Variants in FBXL5 observed in about 807,000 individuals in gnomAD.
The protein encoded by FBXL5 is F-box and leucine rich repeat protein 5.
FBXL5 carries 26 observed loss-of-function variants against 78.3 expected under a neutral mutation model. The observed-to-expected ratio is 0.33, with a 90% confidence interval of 0.24 to 0.46. The LOEUF (loss-of-function observed/expected upper bound fraction) is 0.46, where lower values mean the gene tolerates loss of function less well. Ranked by LOEUF, FBXL5 falls within the 20% of genes least tolerant of loss-of-function variation. FBXL5 has a pLI of 1.00. For synonymous variants in FBXL5, 295 were observed against 282.5 expected (o/e 1.04, Z -0.45); for missense variants, 710 against 829.2 (o/e 0.86, Z 1.77).
intron 10 of FBXL5, among the ~76,000 whole-genome samples, chr4:15,609,823 T>G (rs1722122963): frequency 6.6e-6 from 1 of 152,036 alleles, no homozygotes; most frequent in African/African-American, 2.4e-5. Flanking sequence ...TACTGGGCAC[T>G]GTTTGAATAT....
intron 1 of FBXL5, among the ~76,000 whole-genome samples, chr4:15,672,800 A>C (rs1378639791): frequency 6.6e-6 from 1 of 152,174 alleles, no homozygotes; most frequent in Non-Finnish European, 1.5e-5. Context: ...AAACTTAAAA[A>C]TTTTTTTAAA....
At chr4:15,635,710 G>A (rs1045356203) in intron 5 of FBXL5, among the ~76,000 whole-genome samples, 14 of 143,562 alleles carry the variant, frequency 9.8e-5, no homozygotes, top group African/African-American at 3.1e-4. Flanking sequence ...CCAAGATCGC[G>A]CCATTGCACT....
At chr4:15,627,072 C>T in intron 7 of FBXL5, 117 bp from the exon 8 acceptor site, 1 of 484,584 alleles carries the variant, frequency 2.1e-6, no homozygotes, top group Non-Finnish European at 3.7e-6. Flanking sequence ...AAAAAAAAAT[C>T]ACTTGAATAC....
intron 3 of FBXL5, among the ~76,000 whole-genome samples, chr4:15,639,477 C>A (rs1372837098): frequency 6.6e-6 from 1 of 152,208 alleles, no homozygotes; most frequent in Non-Finnish European, 1.5e-5. Flanking sequence ...TCCCTCAAAT[C>A]ATTATTTTAG....
chr4:15,641,755 G>A (rs1030445357), intron 2 of FBXL5: 18 of 361,018 alleles, frequency 5.0e-5, no homozygotes, highest in East Asian at 8.0e-5. Context: ...TGCCAGGCAC[G>A]GTGGCTCATG....
intron 7 of FBXL5, 103 bp from the exon 8 acceptor site, chr4:15,627,058 A>AC: frequency 5.3e-6 from 3 of 565,642 alleles, no homozygotes; most frequent in Non-Finnish European, 9.1e-6. Context: ...ACTTTTGTGA[A>AC]TATAAAAAAA....
chr4:15,619,667 A>G (rs536444603), intron 9 of FBXL5, among the ~76,000 whole-genome samples: 76 of 152,258 alleles, frequency 5.0e-4, no homozygotes, highest in African/African-American at 1.6e-3. Flanking sequence ...GCAATTAGAC[A>G]AGAAAAAGAA....
chr4:15,656,290 A>T (rs1560244880), upstream of FBXL5: 1 of 456,034 alleles, frequency 2.2e-6, no homozygotes, highest in Admixed American at 2.3e-5. Context: ...CCTCCTGGAG[A>T]CTCTGTTCTC....
intron 1 of FBXL5, among the ~76,000 whole-genome samples, chr4:15,651,823 T>C (rs1716097214): frequency 6.6e-6 from 1 of 152,132 alleles, no homozygotes; most frequent in Non-Finnish European, 1.5e-5. Flanking sequence ...AATAACTGGT[T>C]TATATATAAG....
chr4:15,674,851 G>A (rs1314471726), intron 1 of FBXL5, among the ~76,000 whole-genome samples: 6 of 152,004 alleles, frequency 3.9e-5, no homozygotes, highest in African/African-American at 7.2e-5. Flanking sequence ...GGGTTTCACC[G>A]TGTTAGCCAG....
intron 1 of FBXL5, 145 bp from the exon 2 acceptor site, chr4:15,644,853 A>C (rs967991672): frequency 3.2e-6 from 2 of 630,372 alleles, no homozygotes; most frequent in Non-Finnish European, 5.4e-6. Context: ...AAATTCATAA[A>C]TTAACAAGTT....
At chr4:15,676,267 A>G (rs758030941) in intron 1 of FBXL5, among the ~76,000 whole-genome samples, 3 of 152,256 alleles carry the variant, frequency 2.0e-5, no homozygotes, top group African/African-American at 2.4e-5. Flanking sequence ...CATAAAAAGC[A>G]TAAGAAGTAG....
At chr4:15,614,450 T>C (rs1711566065) in intron 9 of FBXL5, among the ~76,000 whole-genome samples, 1 of 152,102 alleles carries the variant, frequency 6.6e-6, no homozygotes, top group Admixed American at 6.5e-5. Context: ...GCTGCAGTAG[T>C]ATAGGGAGGG....
chr4:15,627,496 G>A (rs1434525532), intron 7 of FBXL5, among the ~76,000 whole-genome samples: 4 of 152,106 alleles, frequency 2.6e-5, no homozygotes, highest in African/African-American at 9.7e-5. Flanking sequence ...GAACACTCAA[G>A]ATTCTGATGT....
intron 1 of FBXL5, among the ~76,000 whole-genome samples, chr4:15,676,065 G>T (rs2148824626): frequency 6.6e-6 from 1 of 152,218 alleles, no homozygotes; most frequent in Admixed American, 6.5e-5. Context: ...TTAACTTTCT[G>T]GATCTTAGCT....
Position 15,630,722 on chromosome 4 carries a change from T to G in FBXL5, c.836A>C (p.Lys279Thr). ...CTCATGAAAAGCACGACTTTCATCTTTCCTATTTTTCACCCATTCATCATC... is the reference window on the plus strand; with the variant it reads ...CTCATGAAAAGCACGACTTTCATCTGTCCTATTTTTCACCCATTCATCATC... Reference protein sequence around the residue: ...EPDDEWVKNRKDESRAFHEWD... With the variant: ...EPDDEWVKNRTDESRAFHEWD... The change falls in exon 6 of 11, where the codon AAA (lysine) becomes ACA (threonine). Residue 279 changes from lysine to threonine, a missense_variant. By Grantham distance (78) the Lys-to-Thr change is moderately conservative. Around this residue, in one of 4 missense-constraint regions of FBXL5, gnomAD observed 517 missense variants for 542.9 expected, o/e 0.95. Transcript: ENST00000341285. 6.2e-7 allele frequency: 1 copy of G among 1,608,984 alleles called. No homozygotes were observed.
chr4:15,668,839 A>G (rs1453178505), intron 1 of FBXL5, among the ~76,000 whole-genome samples: 1 of 152,228 alleles, frequency 6.6e-6, no homozygotes, highest in Non-Finnish European at 1.5e-5. Flanking sequence ...ATTTTCTTCT[A>G]ACATGTCTGG....
rs1712934688 is a variant in FBXL5, at chr4:15,625,405, G to A, written c.1697C>T (p.Ser566Phe). 1 of 1,614,074 alleles carries A rather than the reference G, an allele frequency of 6.2e-7. No individual in the cohort carries two copies. Among genetic ancestry groups the A allele is most frequent in the African/African-American group, 1.3e-5 (1 of 74,948 alleles). The change falls in exon 9 of 11, where the codon TCT becomes TTT. Residue 566 changes from serine to phenylalanine, a missense_variant. Transcript: ENST00000341285. Reference protein sequence around the residue: ...ALRTMSSLPESSAMCRKAART... With the variant: ...ALRTMSSLPEFSAMCRKAART... ...TGCTGCTTTTCTACACATTGCAGAAGATTCTGGGAGTGATGACATAGTTCT... is the reference window on the plus strand; with the variant it reads ...TGCTGCTTTTCTACACATTGCAGAAAATTCTGGGAGTGATGACATAGTTCT...
intron 5 of FBXL5, among the ~76,000 whole-genome samples, chr4:15,635,364 T>C (rs1361195305): frequency 6.6e-6 from 1 of 151,236 alleles, no homozygotes; most frequent in African/African-American, 2.4e-5. Flanking sequence ...ATTATTATAA[T>C]GAATAAAATT....
Sources: allele counts gnomAD v4.1 joint callset (sites outside exome capture counted in the v4.1 genomes callset), GRCh38; gene constraint gnomAD v4.1.1; regional missense constraint gnomAD v4.1.1; transcripts MANE v1.5; gene names NCBI Gene and HGNC (gene_info 2026-07-23, HGNC 2026-07-21).